NRXN2: variants seen among roughly 807,000 people sequenced by gnomAD.
The protein encoded by NRXN2 is neurexin 2, also known as neurexin-2-beta.
In NRXN2, 29 loss-of-function variants were observed where a neutral mutation model predicts 128.8. The ratio of observed to expected loss-of-function variants is 0.23; its 90% CI spans 0.17 to 0.31. The LOEUF is 0.31. Among genes scored for constraint, NRXN2 ranks in the 10% least tolerant of loss-of-function variants. NRXN2 has a pLI of 1.00. For missense variants in NRXN2, 1,881 were observed against 2,452.6 expected (o/e 0.77, Z 4.92); for synonymous variants, 1,098 against 1,075.2 (o/e 1.02, Z -0.41).
At chr11:64,689,587 C>G (rs1347956303) in intron 5 of NRXN2, among the ~76,000 whole-genome samples, 1 of 152,146 alleles carries the variant, frequency 6.6e-6, no homozygotes, top group African/African-American at 2.4e-5. Flanking sequence ...TCCCTGGCCT[C>G]AAGGAGCTTG....
intron 17 of NRXN2, among the ~76,000 whole-genome samples, chr11:64,641,349 A>T (rs772873664): frequency 5.9e-5 from 9 of 152,054 alleles, no homozygotes; most frequent in Non-Finnish European, 1.2e-4. Flanking sequence ...CAGAGATGGG[A>T]AGTGATGAAT....
intron 12 of NRXN2, 99 bp downstream of exon 12, chr11:64,653,597 A>C: frequency 1.7e-6 from 2 of 1,198,538 alleles, no homozygotes; most frequent in Non-Finnish European, 2.4e-6. Flanking sequence ...TCGAGCCAGC[A>C]ATCACGGCTT....
chr11:64,717,003 G>A (rs1168260837), intron 1 of NRXN2, among the ~76,000 whole-genome samples: 2 of 151,822 alleles, frequency 1.3e-5, no homozygotes, highest in Admixed American at 6.6e-5. Flanking sequence ...CCTTCTCCCA[G>A]AATACAGGGG....
chr11:64,686,083 C>G (rs2053009003), intron 5 of NRXN2, 136 bp from the exon 6 acceptor site: 1 of 882,916 alleles, frequency 1.1e-6, no homozygotes, highest in Non-Finnish European at 1.8e-6. Context: ...TAGCTTTAGG[C>G]CCCTTTCCCT....
rs188411090 is a variant in NRXN2 at position 64,622,891 on chromosome 11, G to T, written c.4035C>A (p.Ser1345=). Residue 1345 remains serine (S), a synonymous_variant, in exon 21 of 23, where the codon TCC becomes TCA. Transcript: ENST00000265459. This position sits in a 1 kb window ranked among gnomAD's most constrained non-coding sequence, Gnocchi z 4.3. The part of the protein sequence containing the change: ...GHLRLVGEGP[S]VLLSAETTAT... ...CCGTGGTCTCCGCACTGAGCAGCAC[G>T]GACGGCCCCTCCCCCACCAGGCGCA... The T allele has an allele frequency of 3.7e-6, 6 of 1,612,996 alleles. No individual in the cohort carries two copies. Among genetic ancestry groups the T allele is most frequent in the East Asian group, 4.5e-5 (2 of 44,860 alleles).
intron 9 of NRXN2, chr11:64,661,464 G>T: frequency 8.4e-7 from 1 of 1,183,892 alleles, no homozygotes; most frequent in Non-Finnish European, 1.1e-6. Context: ...GAAATCTTGA[G>T]CTCGGAAAGG....
In NRXN2 at chr11:64,651,225, T is replaced by G. The variant is rs1273106143; in HGVS notation, c.2918+30A>C. 6.2e-7 allele frequency: 1 copy of G among 1,613,422 alleles called. No individual in the cohort carries two copies. The highest frequency in any genetic ancestry group is 8.5e-7 in the Non-Finnish European group (1 of 1,179,968). ...TCAGCAGGGGGAGGGGGCCACCTCCTTGACAGCAGTGCAATCCCCAGCCCC... is the reference window on the plus strand; with the variant it reads ...TCAGCAGGGGGAGGGGGCCACCTCCGTGACAGCAGTGCAATCCCCAGCCCC... On this transcript the variant is annotated intron_variant, in intron 14 of 22. Coordinates refer to ENST00000265459, the MANE Select transcript of NRXN2 (RefSeq NM_015080.4). This position sits in a 1 kb window ranked among gnomAD's most constrained non-coding sequence, Gnocchi z 5.9.
intron 9 of NRXN2, among the ~76,000 whole-genome samples, chr11:64,666,721 A>T (rs893580109): frequency 6.6e-6 from 1 of 151,556 alleles, no homozygotes; most frequent in South Asian, 2.1e-4. Flanking sequence ...CCGCCACCAC[A>T]CCCAGCTAAT....
chr11:64,671,272 C>T (rs540861347), intron 7 of NRXN2, among the ~76,000 whole-genome samples: 52 of 151,862 alleles, frequency 3.4e-4, no homozygotes, highest in African/African-American at 1.1e-3. Flanking sequence ...ATAGTGGGGA[C>T]GGGTTCTGGG....
chr11:64,674,926 T>C (rs7927181), intron 7 of NRXN2, among the ~76,000 whole-genome samples: 3,439 of 152,342 alleles, frequency 0.023, 121 homozygotes, highest in African/African-American at 0.076. Flanking sequence ...ATTTGGTAGA[T>C]AAGGGAACTG....
chr11:64,688,454 C>T lies in NRXN2; in HGVS notation c.850+1951G>A, dbSNP rs144161087. 221 of 985,370 alleles carry T rather than the reference C, an allele frequency of 2.2e-4. 2 individuals carry two copies. The East Asian group carries it at 0.012, about 53-fold the overall frequency. 61.0% of individuals were successfully genotyped at this position (985,370 alleles called of 1,614,324 possible). A position where few individuals can be genotyped will look rare whatever the true frequency, so the allele number is the denominator to read the frequency against. The stretch of plus-strand genomic sequence containing the variant: ...GAGAGAGAACCTGAGTAGGGGAGGT[C>T]GGAGCATGACTTCAAGGGACTGGTG... On this transcript the variant is annotated intron_variant, in intron 5 of 22. Transcript: ENST00000265459.
rs2051487507 is a variant in NRXN2 at position 64,677,369 on chromosome 11, A to G, written c.1153-332T>C. On this transcript the variant is annotated intron_variant, in intron 6 of 22. Transcript: ENST00000265459. ...TTCCCCACCATCCCCTCCCCGAAGA[A>G]GAGCCGTCTGCAGAGAAGGGGAACA... 2.0e-5 allele frequency among the ~76,000 whole-genome samples: 3 copies of G among 151,992 alleles called. No individual in the cohort carries two copies. The South Asian group carries it at 6.2e-4, about 32-fold the overall frequency.
chr11:64,615,379 T>C (rs2041314438), intron 22 of NRXN2, among the ~76,000 whole-genome samples: 1 of 152,256 alleles, frequency 6.6e-6, no homozygotes, highest in African/African-American at 2.4e-5. Context: ...ATGTTGTCTA[T>C]TATAGCAACT....
At position 64,651,897 on chromosome 11, in the gene NRXN2, C is replaced by A; in HGVS notation, c.2536+138G>T. 2 of 1,356,646 alleles carry A rather than the reference C, an allele frequency of 1.5e-6. No individual in the cohort carries two copies. The highest frequency in any genetic ancestry group is 2.1e-6 in the Non-Finnish European group (2 of 963,432). The allele number at this position is 1,356,646 out of a possible 1,614,324, so 84.0% of individuals were successfully genotyped here. A position where few individuals can be genotyped will look rare whatever the true frequency, so the allele number is the denominator to read the frequency against. ...GTCCAGATGCCCATAACATTCCACC[C>A]CTGAAGGAGAAATGGCAGAGGCAGC... On this transcript the variant is annotated intron_variant, in intron 13 of 22. Coordinates refer to ENST00000265459, the MANE Select transcript of NRXN2 (RefSeq NM_015080.4). The surrounding 1 kb of genome is among the most constrained non-coding windows in gnomAD (Gnocchi z 5.9).
Position 64,660,353 on chromosome 11 carries a change from T to A in NRXN2, c.2368A>T (p.Met790Leu), listed in dbSNP as rs1348396992. ...TTACCGAGGTTGACAGTGAGCTTCATCTGCCCCCCATCCAGCTCCAGGCGT... is the reference window on the plus strand; with the variant it reads ...TTACCGAGGTTGACAGTGAGCTTCAACTGCCCCCCATCCAGCTCCAGGCGT... ...TLRLELDGGQ[M>L]KLTVNLDCLR... Residue 790 changes from methionine (M) to leucine (L), a missense_variant, in exon 11 of 23, where the codon ATG becomes TTG. Met to Leu is a conservative substitution (Grantham distance 15). This residue lies in a region of NRXN2 where 997 missense variants were observed against 1,240.8 expected (regional missense o/e 0.80). Transcript: ENST00000265459. This position sits in a 1 kb window ranked among gnomAD's most constrained non-coding sequence, Gnocchi z 5.2. 6.2e-7 allele frequency: 1 copy of A among 1,613,824 alleles called. No individual in the cohort carries two copies. The highest frequency in any genetic ancestry group is 8.5e-7 in the Non-Finnish European group (1 of 1,179,998).
chr11:64,625,510 G>A (rs2042951842), intron 20 of NRXN2, among the ~76,000 whole-genome samples: 3 of 152,172 alleles, frequency 2.0e-5, no homozygotes, highest in Admixed American at 1.3e-4. Flanking sequence ...ACAGGCATGG[G>A]GGGCTAGAAG....
rs1437670447 is a variant in NRXN2, at chr11:64,631,188, TGGAG to T, written c.3586-619_3586-616del. Among the ~76,000 whole-genome samples the T allele has an allele frequency of 7.2e-6, 1 of 139,342 alleles. No individual in the cohort carries two copies. Among genetic ancestry groups the T allele is most frequent in the Non-Finnish European group, 1.6e-5 (1 of 64,378 alleles). The allele number at this position is 139,342 out of a possible 152,430, so 91.4% of individuals were successfully genotyped here. ...GGTGGACCCTCTGCAGCCATGGGGG[TGGAG>T]GTGGGGGGTGTGGACTGTGTGTATG... On this transcript the variant is annotated intron_variant, in intron 18 of 22. Transcript: ENST00000265459. The surrounding 1 kb of genome is among the most constrained non-coding windows in gnomAD (Gnocchi z 4.8).
chr11:64,653,146 C>G (rs1302917652), intron 12 of NRXN2, among the ~76,000 whole-genome samples: 1 of 152,148 alleles, frequency 6.6e-6, no homozygotes, highest in African/African-American at 2.4e-5. Context: ...CATCTCACCC[C>G]TGCTGAGAGC....
chr11:64,642,177 G>C (rs1487439159), intron 17 of NRXN2, among the ~76,000 whole-genome samples: 1 of 151,924 alleles, frequency 6.6e-6, no homozygotes, highest in Non-Finnish European at 1.5e-5. Context: ...AAGGTGATGC[G>C]CAAGAGAAAT....
Sources: allele counts gnomAD v4.1 joint callset (sites outside exome capture counted in the v4.1 genomes callset), GRCh38; gene constraint gnomAD v4.1.1; regional missense constraint gnomAD v4.1.1; non-coding constraint Gnocchi (gnomAD v3.1); transcripts MANE v1.5; gene names NCBI Gene and HGNC (gene_info 2026-07-23, HGNC 2026-07-21).